The following EHBP1L1 variants were observed in gnomAD, a reference collection of about 807,000 sequenced individuals.
EHBP1L1 encodes EH domain-binding protein 1-like protein 1.
A neutral mutation model predicts 151.1 loss-of-function variants in EHBP1L1; 122 were observed. The ratio of observed to expected loss-of-function variants is 0.81; its 90% CI spans 0.70 to 0.94. The LOEUF (loss-of-function observed/expected upper bound fraction) is 0.94. Among genes scored for constraint, EHBP1L1 ranks in the 40% least tolerant of loss-of-function variants. EHBP1L1 has a pLI of 0.00. For synonymous variants in EHBP1L1, 878 were observed against 810.1 expected, an observed-to-expected ratio of 1.08 and a Z score of -1.42; for missense variants, 1,941 against 1,959.8, an observed-to-expected ratio of 0.99 and a Z score of 0.18.
chr11:65,584,095 C>G (rs1303533776), intron 9 of EHBP1L1, 146 bp from the exon 10 acceptor site: 2 of 1,475,054 alleles, frequency 1.4e-6, no homozygotes, highest in Admixed American at 5.1e-5. Context: ...ACCCTTTTAC[C>G]TGGCCCCAAG....
At position 65,582,631 on chromosome 11, in the gene EHBP1L1, C is replaced by A; in HGVS notation, c.1959C>A (p.Thr653=). ...TPGTETEVLG[T]QKTEAGGSGV... ...GGACAGAGACTGAGGTATTGGGGAC[C>A]CAGAAAACAGAAGCTGGGGGTTCAG... is the stretch of plus-strand genomic sequence containing the variant. The change falls in exon 9 of 19, where the codon ACC becomes ACA. Residue 653 remains threonine, a synonymous_variant. Transcript: ENST00000309295. 6.2e-7 allele frequency: 1 copy of A among 1,613,436 alleles called. No homozygotes were observed. Among genetic ancestry groups the A allele is most frequent in the East Asian group, 2.2e-5 (1 of 44,878 alleles).
intron 15 of EHBP1L1, 22 bp downstream of exon 15, chr11:65,590,232 C>A: frequency 1.2e-6 from 2 of 1,610,666 alleles, no homozygotes; most frequent in South Asian, 1.1e-5. Context: ...ATCTAGGGAT[C>A]CCTTCCCCAA....
intron 1 of EHBP1L1, among the ~76,000 whole-genome samples, chr11:65,578,614 A>G (rs1451629173): frequency 6.6e-6 from 1 of 152,056 alleles, no homozygotes; most frequent in Non-Finnish European, 1.5e-5. Flanking sequence ...TCTGTCCCCA[A>G]AACTGGGCTG....
At position 65,585,560 on chromosome 11, in the gene EHBP1L1, C is replaced by G. The variant is rs1176219618; in HGVS notation, c.3902C>G (p.Pro1301Arg). 1 of 1,582,112 alleles carries G rather than the reference C, an allele frequency of 6.3e-7. No individual in the cohort carries two copies. The highest frequency in any genetic ancestry group is 1.1e-5 in the South Asian group (1 of 88,240). The change falls in exon 12 of 19, where the codon CCG becomes CGG. Residue 1301 changes from proline to arginine, a missense_variant. Coordinates refer to ENST00000309295, the MANE Select transcript of EHBP1L1 (RefSeq NM_001099409.3). This position sits in a 1 kb window ranked among gnomAD's most constrained non-coding sequence, Gnocchi z 4.0. ...AGCAGCTCGTTCTCGATGGACGATC[C>G]GGACGCGGGAGCCATGGGAGCTGCG... ...RNSSSFSMDD[P>R]DAGAMGAAAA...
chr11:65,590,655 C>T, intron 16 of EHBP1L1, 63 bp downstream of exon 16: 2 of 1,383,456 alleles, frequency 1.4e-6, no homozygotes, highest in Non-Finnish European at 1.0e-6. Flanking sequence ...TAGAGTTCTT[C>T]ACTACTTTCT....
rs1033422792 is a variant in EHBP1L1 at position 65,582,801 on chromosome 11, G to C, written c.2129G>C (p.Arg710Thr). 2.5e-6 allele frequency: 4 copies of C among 1,613,512 alleles called. No individual in the cohort carries two copies. In the African/African-American group the frequency reaches 4.0e-5, roughly 16 times the overall value. Residue 710 changes from arginine to threonine, a missense_variant, in exon 9 of 19, where the codon AGG becomes ACG. Transcript: ENST00000309295. Reference sequence around the variant, plus strand: ...CAGGAGACAGAGGTGGAAGCTTCTAGGGTACCAGAGTCAGAGGCTGAGGGG... The same window carrying C: ...CAGGAGACAGAGGTGGAAGCTTCTACGGTACCAGAGTCAGAGGCTGAGGGG... ...GTQETEVEAS[R>T]VPESEAEGTE...
Position 65,590,557 on chromosome 11 carries a change from C to G in EHBP1L1, c.4248C>G (p.Asn1416Lys), listed in dbSNP as rs113817256. The G allele has an allele frequency of 6.2e-7, 1 of 1,613,692 alleles. No homozygotes were observed. The highest frequency in any genetic ancestry group is 8.5e-7 in the Non-Finnish European group (1 of 1,179,868). ...GGTTCACCCTGGTCAACAAGAAGAA[C>G]GCTCTCATCCGGAGGCAGGACCAGC... ...QEWFTLVNKK[N>K]ALIRRQDQLQ... Residue 1416 changes from asparagine to lysine, a missense_variant, in exon 16 of 19, where the codon AAC (asparagine) becomes AAG (lysine). By Grantham distance (94) the Asn-to-Lys change is moderately conservative. Coordinates refer to ENST00000309295, the MANE Select transcript of EHBP1L1 (RefSeq NM_001099409.3).
At position 65,585,988 on chromosome 11, in the gene EHBP1L1, G is replaced by A. The variant is rs930876159; in HGVS notation, c.3933+397G>A. On this transcript the variant is annotated intron_variant, in intron 12 of 18. Transcript: ENST00000309295. The surrounding 1 kb of genome is among the most constrained non-coding windows in gnomAD (Gnocchi z 4.0). ...CAGTGCTTGGTAGGCTGGAAGGTGG[G>A]TTTGGGCATTTCTTTCCCTGCAGGT... Among the ~76,000 whole-genome samples the A allele has an allele frequency of 6.6e-6, 1 of 152,206 alleles. No individual in the cohort carries two copies. The highest frequency in any genetic ancestry group is 2.4e-5 in the African/African-American group (1 of 41,456).
rs575517981 is a variant in EHBP1L1, at chr11:65,576,219, G to T, written c.-84G>T. 7.7e-7 allele frequency: 1 copy of T among 1,303,450 alleles called. No homozygotes were observed. Among genetic ancestry groups the T allele is most frequent in the Non-Finnish European group, 1.0e-6 (1 of 983,470 alleles). 80.7% of individuals were successfully genotyped at this position (1,303,450 alleles called of 1,614,324 possible). On this transcript the variant is annotated 5_prime_UTR_variant, in exon 1 of 19. Transcript: ENST00000309295. The stretch of plus-strand genomic sequence containing the variant: ...CGGACGGGGCGGGCGGCGCGGACAG[G>T]CCATGGGGACCCGGGCCGGGCCAGC...
rs373373658 is a variant in EHBP1L1 at position 65,582,483 on chromosome 11, T to C, written c.1811T>C (p.Ile604Thr). 4.3e-6 allele frequency: 7 copies of C among 1,612,398 alleles called. No individual in the cohort carries two copies. The African/African-American group carries it at 9.4e-5, about 22-fold the overall frequency. ...GAGACTAGGACACTAGAAATTGAGA[T>C]ATTGGGGGCCTTGGAGAAAGAAGCA... Reference protein sequence around the residue: ...FPETRTLEIEILGALEKEAAR... With the variant: ...FPETRTLEIETLGALEKEAAR... Residue 604 changes from isoleucine (I) to threonine (T), a missense_variant, in exon 9 of 19, where the codon ATA becomes ACA. Ile to Thr is a moderately conservative substitution (Grantham distance 89). Coordinates refer to ENST00000309295, the MANE Select transcript of EHBP1L1 (RefSeq NM_001099409.3).
chr11:65,590,170 G>A lies in EHBP1L1; in HGVS notation c.4143G>A (p.Ala1381=), dbSNP rs549268583. 2.2e-5 allele frequency: 36 copies of A among 1,613,738 alleles called. No individual in the cohort carries two copies. The highest frequency in any genetic ancestry group is 4.4e-5 in the South Asian group (4 of 91,020). ...EQEQRQIDGR[A]AEVEMQLRSL... is the part of the protein sequence containing the mutation. ...AGCAGAGGCAGATAGATGGGCGGGC[G>A]GCTGAGGTGGAGATGCAGCTGAGGA... Residue 1381 remains alanine (A), a synonymous_variant, in exon 15 of 19, where the codon GCG becomes GCA. Coordinates refer to ENST00000309295, the MANE Select transcript of EHBP1L1 (RefSeq NM_001099409.3).
At chr11:65,588,082 G>A (rs1858067650) in intron 12 of EHBP1L1, among the ~76,000 whole-genome samples, 1 of 152,156 alleles carries the variant, frequency 6.6e-6, no homozygotes, top group Non-Finnish European at 1.5e-5. Flanking sequence ...CTGTGATGGG[G>A]GAGGCCATGG....
chr11:65,582,184 GGA>G lies in EHBP1L1; in HGVS notation c.1520_1521del (p.Glu507GlyfsTer12), dbSNP rs1481888142. The G allele has an allele frequency of 4.5e-6, 7 of 1,558,350 alleles. No individual in the cohort carries two copies. Among genetic ancestry groups the G allele is most frequent in the South Asian group, 3.6e-5 (3 of 82,518 alleles). ...AGGGGGCCAGGGCTGCTGCAGGCCA[GGA>G]GAGAGAGGGTGCAGAAGTGAGGGGT... ...LEGARAAAGQ[E>X]REGAEVRGGA... On this transcript the variant is annotated frameshift_variant, in exon 9 of 19. Transcript: ENST00000309295. LOFTEE classifies it high-confidence loss of function.
intron 16 of EHBP1L1, chr11:65,591,580 T>G: frequency 1.6e-6 from 1 of 611,898 alleles, no homozygotes; most frequent in Non-Finnish European, 3.0e-6. Context: ...GGGGGGTGTG[T>G]GGGAGGAGCA....
In EHBP1L1 at chr11:65,576,235, C is replaced by T; in HGVS notation, c.-68C>T. 7.0e-7 allele frequency: 1 copy of T among 1,419,410 alleles called. No individual in the cohort carries two copies. The highest frequency in any genetic ancestry group is 9.3e-7 in the Non-Finnish European group (1 of 1,073,882). 87.9% of individuals were successfully genotyped at this position (1,419,410 alleles called of 1,614,324 possible). On this transcript the variant is annotated 5_prime_UTR_variant, in exon 1 of 19. Transcript: ENST00000309295. ...CGCGGACAGGCCATGGGGACCCGGGCCGGGCCAGCGGTGGCGGGCCAGCGG... is the reference window on the plus strand; with the variant it reads ...CGCGGACAGGCCATGGGGACCCGGGTCGGGCCAGCGGTGGCGGGCCAGCGG...
intron 12 of EHBP1L1, among the ~76,000 whole-genome samples, chr11:65,586,656 G>A (rs1857979353): frequency 6.6e-6 from 1 of 152,226 alleles, no homozygotes; most frequent in Non-Finnish European, 1.5e-5. Flanking sequence ...AATGAGGCCA[G>A]GCTGAGAGCA....
chr11:65,586,902 C>T (rs1029131568), intron 12 of EHBP1L1, among the ~76,000 whole-genome samples: 1 of 152,196 alleles, frequency 6.6e-6, no homozygotes, highest in African/African-American at 2.4e-5. Context: ...CAGGCCTTCC[C>T]CCAGCTCTTG....
Position 65,579,376 on chromosome 11 carries a change from C to A in EHBP1L1, c.198C>A (p.Tyr66Ter), listed in dbSNP as rs1391992471. The stretch of plus-strand genomic sequence containing the variant: ...GGCAGCCGGGCATCCAGAACCCATA[C>A]CGGGGCACCGTGGTGTGGATGGTAC... ...HSWQPGIQNP[Y>*]RGTVVWMVPE... The change falls in exon 3 of 19, where the codon TAC becomes TAA. Residue 66 changes from tyrosine (Y) to a stop codon, truncating the protein, a stop_gained. Coordinates refer to ENST00000309295, the MANE Select transcript of EHBP1L1 (RefSeq NM_001099409.3). LOFTEE classifies it high-confidence loss of function. 1.4e-5 allele frequency: 22 copies of A among 1,576,866 alleles called. No homozygotes were observed. Among genetic ancestry groups the A allele is most frequent in the Non-Finnish European group, 1.9e-5 (22 of 1,160,652 alleles).
At position 65,585,658 on chromosome 11, in the gene EHBP1L1, C is replaced by T; in HGVS notation, c.3933+67C>T. ...GGGTCCCGGGAAGATGGGCAGAGAA[C>T]GGGCGAGCCCCCAAGGGGCCCCAAG... On this transcript the variant is annotated intron_variant, in intron 12 of 18. Transcript: ENST00000309295. This position sits in a 1 kb window ranked among gnomAD's most constrained non-coding sequence, Gnocchi z 4.0. The T allele has an allele frequency of 7.2e-6, 11 of 1,517,538 alleles. No individual in the cohort carries two copies. Among genetic ancestry groups the T allele is most frequent in the South Asian group, 2.4e-5 (2 of 83,216 alleles). The allele number at this position is 1,517,538 out of a possible 1,614,324, so 94.0% of individuals were successfully genotyped here.
Sources: allele counts gnomAD v4.1 joint callset (sites outside exome capture counted in the v4.1 genomes callset), GRCh38; gene constraint gnomAD v4.1.1; non-coding constraint Gnocchi (gnomAD v3.1); transcripts MANE v1.5; gene names NCBI Gene and HGNC (gene_info 2026-07-23, HGNC 2026-07-21).